FIP1L1: variants seen among roughly 807,000 people sequenced by gnomAD.
The protein encoded by FIP1L1 is pre-mRNA 3'-end-processing factor FIP1.
In FIP1L1, 21 loss-of-function variants were observed where a neutral mutation model predicts 84.6. The observed-to-expected ratio is 0.25, with a 90% confidence interval of 0.18 to 0.36. The LOEUF (loss-of-function observed/expected upper bound fraction) is 0.36. Among genes scored for constraint, FIP1L1 ranks in the 10% least tolerant of loss-of-function variants. The pLI is 1.00. For missense variants in FIP1L1, 526 were observed against 751.1 expected (o/e 0.70, Z 3.50); for synonymous variants, 263 against 242.3 (o/e 1.09, Z -0.80).
chr4:53,386,959 A>T (rs1741427546), intron 5 of FIP1L1, among the ~76,000 whole-genome samples: 1 of 152,212 alleles, frequency 6.6e-6, no homozygotes, highest in African/African-American at 2.4e-5. Context: ...AGGACTCATG[A>T]CTGTATTCTC....
intron 16 of FIP1L1, among the ~76,000 whole-genome samples, chr4:53,453,392 C>T (rs1717159566): frequency 1.3e-5 from 2 of 152,098 alleles, no homozygotes; most frequent in African/African-American, 4.8e-5. Flanking sequence ...AGTTTTTCAT[C>T]TTAAGCTTAA....
chr4:53,388,239 T>C (rs1480080460), intron 5 of FIP1L1, among the ~76,000 whole-genome samples: 1 of 152,162 alleles, frequency 6.6e-6, no homozygotes, highest in Non-Finnish European at 1.5e-5. Context: ...GAATCTGAAG[T>C]CCAGATGGCT....
At chr4:53,395,394 A>G (rs1746676011) in intron 9 of FIP1L1, among the ~76,000 whole-genome samples, 1 of 152,056 alleles carries the variant, frequency 6.6e-6, no homozygotes, top group African/African-American at 2.4e-5. Context: ...TGTCTCTCCC[A>G]CGTCTCTTTC....
At chr4:53,382,176 A>G (rs1224407314) in intron 3 of FIP1L1, 102 bp from the exon 4 acceptor site, 7 of 774,830 alleles carry the variant, frequency 9.0e-6, no homozygotes, top group South Asian at 1.8e-5. Flanking sequence ...AGTGGAGACA[A>G]TAATTTTAGG....
chr4:53,439,776 A>C (rs955821967), intron 13 of FIP1L1, among the ~76,000 whole-genome samples: 6 of 151,984 alleles, frequency 3.9e-5, no homozygotes, highest in African/African-American at 1.2e-4. Flanking sequence ...CATGCCACAT[A>C]AATTGCCTTT....
intron 15 of FIP1L1, among the ~76,000 whole-genome samples, chr4:53,452,264 TTGAAA>T (rs901036773): frequency 1.3e-5 from 2 of 152,214 alleles, no homozygotes; most frequent in Non-Finnish European, 2.9e-5. Flanking sequence ...TGTTTGAATC[TTGAAA>T]TAAAATATTG....
At chr4:53,412,533 G>A (rs1757682735) in intron 10 of FIP1L1, among the ~76,000 whole-genome samples, 1 of 151,980 alleles carries the variant, frequency 6.6e-6, no homozygotes, top group East Asian at 1.9e-4. Context: ...GTACAATCTA[G>A]TTGTTGAGTT....
At chr4:53,420,755 G>A (rs1284061883) in intron 11 of FIP1L1, among the ~76,000 whole-genome samples, 2 of 152,108 alleles carry the variant, frequency 1.3e-5, no homozygotes, top group Non-Finnish European at 2.9e-5. Context: ...CAGTCATGTT[G>A]CCCGGGCTGA....
intron 12 of FIP1L1, 56 bp from the exon 13 acceptor site, chr4:53,427,971 G>GATTAATCTTAGTAA: frequency 7.5e-7 from 1 of 1,338,332 alleles, no homozygotes; most frequent in Non-Finnish European, 1.0e-6. Context: ...AATTTACTAA[G>GATTAATCTTAGTAA]ATTAATCTTA....
At chr4:53,398,860 A>T (rs1196684305) in intron 9 of FIP1L1, among the ~76,000 whole-genome samples, 1 of 152,144 alleles carries the variant, frequency 6.6e-6, no homozygotes, top group East Asian at 1.9e-4. Flanking sequence ...ATTAATATTA[A>T]GAGGGAGAAG....
intron 11 of FIP1L1, among the ~76,000 whole-genome samples, chr4:53,422,509 A>G (rs1449338785): frequency 6.6e-6 from 1 of 151,982 alleles, no homozygotes; most frequent in Non-Finnish European, 1.5e-5. Flanking sequence ...GTTTATCATG[A>G]AGACTAAATA....
chr4:53,391,304 G>T, intron 8 of FIP1L1, 126 bp from the exon 9 acceptor site: 1 of 1,157,314 alleles, frequency 8.6e-7, no homozygotes, highest in African/African-American at 1.5e-5. Context: ...TTAGAGTTTC[G>T]TATTTAATGA....
chr4:53,459,300 A>C lies in FIP1L1; in HGVS notation c.1638-2A>C. The C allele has an allele frequency of 9.7e-7, 1 of 1,027,712 alleles. No homozygotes were observed. The highest frequency in any genetic ancestry group is 1.3e-6 in the Non-Finnish European group (1 of 775,024). The allele number at this position is 1,027,712 out of a possible 1,614,324, so 63.7% of individuals were successfully genotyped here. The stretch of plus-strand genomic sequence containing the variant: ...ACCTTTTTTTTTTTTTTTTTTTTCC[A>C]GTAATAGTAGACGTCGCCATGAAAG... On this transcript the variant is annotated splice_acceptor_variant, in intron 17 of 17. Transcript: ENST00000337488. LOFTEE classifies it high-confidence loss of function.
intron 10 of FIP1L1, 44 bp from the exon 11 acceptor site, chr4:53,414,571 G>C: frequency 7.3e-7 from 1 of 1,375,050 alleles, no homozygotes; most frequent in South Asian, 1.3e-5. Flanking sequence ...GGGGGTCAGA[G>C]ACAACAATAT....
intron 10 of FIP1L1, among the ~76,000 whole-genome samples, chr4:53,409,682 G>A (rs373526849): frequency 3.3e-5 from 5 of 152,256 alleles, no homozygotes; most frequent in African/African-American, 4.8e-5. Flanking sequence ...ACTTAAGGAA[G>A]CCTGGGCAAT....
intron 10 of FIP1L1, among the ~76,000 whole-genome samples, chr4:53,408,543 C>A (rs1325636230): frequency 2.0e-5 from 3 of 152,130 alleles, no homozygotes; most frequent in Non-Finnish European, 4.4e-5. Flanking sequence ...TGTTGGCCTG[C>A]CTTGCTAGAT....
chr4:53,386,568 A>T (rs575569192), intron 5 of FIP1L1, among the ~76,000 whole-genome samples: 2 of 152,220 alleles, frequency 1.3e-5, no homozygotes, highest in Non-Finnish European at 2.9e-5. Context: ...ACAGGTGTTG[A>T]AGAGAAGATC....
chr4:53,453,168 T>C (rs1449284729), intron 16 of FIP1L1, 35 bp downstream of exon 16: 15 of 1,604,518 alleles, frequency 9.3e-6, no homozygotes, highest in Non-Finnish European at 1.3e-5. Context: ...TACTATGTAT[T>C]TTATAAGCAC....
intron 5 of FIP1L1, among the ~76,000 whole-genome samples, chr4:53,386,830 T>G (rs1741352965): frequency 6.6e-6 from 1 of 152,212 alleles, no homozygotes; most frequent in African/African-American, 2.4e-5. Context: ...TTGTTCTGTT[T>G]TGCTTTGTTT....
Sources: gnomAD v4.1 joint callset for allele counts (sites outside exome capture counted in the v4.1 genomes callset) on GRCh38, gnomAD v4.1.1 for gene constraint, MANE v1.5 for transcripts, NCBI Gene and HGNC (gene_info 2026-07-23, HGNC 2026-07-21) for gene names.